LDLRAD4: variants seen among roughly 807,000 people sequenced by gnomAD.
LDLRAD4 encodes the protein low-density lipoprotein receptor class A domain-containing protein 4.
In LDLRAD4, 5 loss-of-function variants were observed where a neutral mutation model predicts 17.0. The ratio of observed to expected loss-of-function variants is 0.29; its 90% CI spans 0.15 to 0.62. LDLRAD4 has a LOEUF of 0.62. Among genes scored for constraint, LDLRAD4 ranks in the 20% least tolerant of loss-of-function variants. The pLI is 0.84. For synonymous variants in LDLRAD4, 168 were observed against 171.8 expected (o/e 0.98, Z 0.17); for missense variants, 340 against 424.7 (o/e 0.80, Z 1.75).
chr18:13,350,577 G>T (rs1158765067), intron 1 of LDLRAD4, among the ~76,000 whole-genome samples: 2 of 152,124 alleles, frequency 1.3e-5, no homozygotes, highest in Admixed American at 1.3e-4. Context: ...CTATTCTGTA[G>T]GTTGCCTGTT....
intron 1 of LDLRAD4, among the ~76,000 whole-genome samples, chr18:13,252,424 C>A (rs1001701829): frequency 6.6e-6 from 1 of 152,196 alleles, no homozygotes; most frequent in African/African-American, 2.4e-5. Context: ...CAACTGTGCC[C>A]GGCCTTCCAC....
chr18:13,497,571 G>A (rs1290198714), intron 3 of LDLRAD4, among the ~76,000 whole-genome samples: 1 of 151,462 alleles, frequency 6.6e-6, no homozygotes, highest in Non-Finnish European at 1.5e-5. Flanking sequence ...GCTGACTACT[G>A]TGTATTTTTA....
chr18:13,473,680 A>ATATATATATATAT (rs2092854924), intron 3 of LDLRAD4, among the ~76,000 whole-genome samples: 1 of 60,092 alleles, frequency 1.7e-5, no homozygotes, highest in Non-Finnish European at 3.6e-5. Flanking sequence ...TATATATATA[A>ATATATATATATAT]CGTTTACATT....
intron 3 of LDLRAD4, among the ~76,000 whole-genome samples, chr18:13,442,121 A>C (rs1016134786): frequency 6.6e-6 from 1 of 152,250 alleles, no homozygotes; most frequent in African/African-American, 2.4e-5. Context: ...TACACAAATA[A>C]AATAATTATA....
rs61489098 is a variant in LDLRAD4 at position 13,238,005 on chromosome 18, C to T, written c.-467+19017C>T. On this transcript the variant is annotated intron_variant, in intron 1 of 5. Coordinates refer to the LDLRAD4 transcript ENST00000399848. ...ATGTGTCTGCCTCCTTGCGAAGTCA[C>T]GGTGCTTGGGCTGATTGTGAAGGAA... Among the ~76,000 whole-genome samples, 7 of 152,282 alleles carry T rather than the reference C, an allele frequency of 4.6e-5. No individual in the cohort carries two copies. The East Asian group carries it at 1.4e-3, about 29-fold the overall frequency.
chr18:13,512,037 A>G (rs193150064), intron 3 of LDLRAD4, among the ~76,000 whole-genome samples: 32 of 152,370 alleles, frequency 2.1e-4, no homozygotes, highest in Middle Eastern at 3.4e-3. Context: ...AGTTTCTAAC[A>G]AGGAGCGCTT....
chr18:13,253,007 G>C (rs548803027), intron 1 of LDLRAD4, among the ~76,000 whole-genome samples: 1 of 152,226 alleles, frequency 6.6e-6, no homozygotes, highest in Admixed American at 6.5e-5. Flanking sequence ...GGAAACCGGG[G>C]CACTGGGGGT....
chr18:13,542,766 T>G (rs936867042), intron 3 of LDLRAD4: 2 of 152,332 alleles, frequency 1.3e-5, no homozygotes. Flanking sequence ...AAATAAACCC[T>G]TTCCTGTAGT....
intron 1 of LDLRAD4, among the ~76,000 whole-genome samples, chr18:13,343,373 G>A (rs1474126042): frequency 6.6e-6 from 1 of 151,098 alleles, no homozygotes; most frequent in Non-Finnish European, 1.5e-5. Flanking sequence ...GAGAATGATG[G>A]TTTCCAGCTT....
At chr18:13,260,827 T>C (rs2043777856) in intron 1 of LDLRAD4, among the ~76,000 whole-genome samples, 1 of 152,224 alleles carries the variant, frequency 6.6e-6, no homozygotes, top group African/African-American at 2.4e-5. Flanking sequence ...AGCTCATCTC[T>C]GCTGAATGCA....
intron 1 of LDLRAD4, among the ~76,000 whole-genome samples, chr18:13,360,297 G>A (rs570513518): frequency 1.6e-4 from 25 of 152,364 alleles, no homozygotes; most frequent in Non-Finnish European, 3.2e-4. Flanking sequence ...ATCCTGTAGA[G>A]ATTCCCTTCT....
intron 1 of LDLRAD4, among the ~76,000 whole-genome samples, chr18:13,238,337 T>G (rs971750489): frequency 6.6e-6 from 1 of 152,224 alleles, no homozygotes. Context: ...CCTTCATGCA[T>G]TGCCTCTTGT....
At chr18:13,348,145 G>T (rs571281370) in intron 1 of LDLRAD4, among the ~76,000 whole-genome samples, 77 of 152,290 alleles carry the variant, frequency 5.1e-4, no homozygotes, top group African/African-American at 1.8e-3. Context: ...GAGGAGAGGT[G>T]CTCTGATTTT....
chr18:13,232,587 C>T (rs1369624906), intron 1 of LDLRAD4, among the ~76,000 whole-genome samples: 3 of 152,108 alleles, frequency 2.0e-5, no homozygotes, highest in Non-Finnish European at 2.9e-5. Context: ...TGCTGTGCTC[C>T]ACAAGCCTCT....
intron 3 of LDLRAD4, among the ~76,000 whole-genome samples, chr18:13,554,750 T>G (rs1048316893): frequency 6.6e-6 from 1 of 152,238 alleles, no homozygotes; most frequent in South Asian, 2.1e-4. Flanking sequence ...ATTTCCACTC[T>G]CACGTTTTCA....
At chr18:13,328,782 C>A (rs977875600) in intron 1 of LDLRAD4, among the ~76,000 whole-genome samples, 1 of 152,296 alleles carries the variant, frequency 6.6e-6, no homozygotes, top group Admixed American at 6.5e-5. Context: ...AAGTTTCCCT[C>A]CTATGCCTAT....
intron 3 of LDLRAD4, among the ~76,000 whole-genome samples, chr18:13,530,313 T>C (rs59219310): frequency 0.045 from 6,781 of 152,186 alleles, 529 homozygotes; most frequent in African/African-American, 0.15. Context: ...AAAACAACAT[T>C]GGATTCTAAA....
At chr18:13,307,083 A>G (rs1567988851) in intron 1 of LDLRAD4, among the ~76,000 whole-genome samples, 1 of 152,256 alleles carries the variant, frequency 6.6e-6, no homozygotes, top group East Asian at 1.9e-4. Context: ...GAATCCGTCT[A>G]TGAAGTGGGC....
At chr18:13,364,642 CTAT>C (rs1169344527) in intron 1 of LDLRAD4, among the ~76,000 whole-genome samples, 1 of 152,120 alleles carries the variant, frequency 6.6e-6, no homozygotes, top group East Asian at 1.9e-4. Flanking sequence ...ACACCCAGCT[CTAT>C]TATTTGATTT....
Sources: gnomAD v4.1 joint callset for allele counts (sites outside exome capture counted in the v4.1 genomes callset) on GRCh38, gnomAD v4.1.1 for gene constraint, MANE v1.5 for transcripts, NCBI Gene and HGNC (gene_info 2026-07-23, HGNC 2026-07-21) for gene names.